The following ESRRG variants were observed in gnomAD, a reference collection of about 807,000 sequenced individuals.
ESRRG encodes the protein estrogen-related receptor gamma.
A neutral mutation model predicts 44.0 loss-of-function variants in ESRRG; 13 were observed. The observed-to-expected ratio is 0.30, with a 90% CI of 0.19 to 0.47. The LOEUF (loss-of-function observed/expected upper bound fraction) is 0.47, where lower values mean the gene tolerates loss of function less well. Ranked by LOEUF, ESRRG falls within the 20% of genes least tolerant of loss-of-function variation. The pLI, the probability that ESRRG is intolerant of heterozygous loss-of-function variation, is 1.00. For synonymous variants in ESRRG, 215 were observed against 214.6 expected, an observed-to-expected ratio of 1.00 and a Z score of -0.02; for missense variants, 395 against 580.6, an observed-to-expected ratio of 0.68 and a Z score of 3.29.
intron 5 of ESRRG, among the ~76,000 whole-genome samples, chr1:216,561,963 T>C (rs1482990610): frequency 6.6e-6 from 1 of 152,208 alleles, no homozygotes; most frequent in Non-Finnish European, 1.5e-5. Flanking sequence ...TTACTCATAG[T>C]TATTTAAAGT....
At chr1:216,959,018 T>C (rs2068508598) in intron 1 of ESRRG, among the ~76,000 whole-genome samples, 1 of 152,168 alleles carries the variant, frequency 6.6e-6, no homozygotes, top group African/African-American at 2.4e-5. Flanking sequence ...TGATTATTTT[T>C]ACACTTATTT....
intron 1 of ESRRG, among the ~76,000 whole-genome samples, chr1:216,954,179 T>A (rs1031415143): frequency 6.6e-6 from 1 of 152,156 alleles, no homozygotes; most frequent in Non-Finnish European, 1.5e-5. Context: ...GATAATGGAC[T>A]TGTTAATATG....
intron 2 of ESRRG, among the ~76,000 whole-genome samples, chr1:216,873,269 T>C (rs565528148): frequency 1.5e-5 from 2 of 133,176 alleles, no homozygotes; most frequent in South Asian, 2.4e-4. Context: ...TGAAATGCAA[T>C]GGCATGATCT....
chr1:216,721,753 A>C (rs771716243), intron 1 of ESRRG, among the ~76,000 whole-genome samples: 1 of 152,230 alleles, frequency 6.6e-6, no homozygotes, highest in Non-Finnish European at 1.5e-5. Flanking sequence ...TCCTGACACG[A>C]AGACGTCTTA....
intron 1 of ESRRG, among the ~76,000 whole-genome samples, chr1:217,126,926 C>T (rs1250814900): frequency 6.6e-6 from 1 of 152,142 alleles, no homozygotes; most frequent in Non-Finnish European, 1.5e-5. Context: ...AAATTTGTGG[C>T]ATATTCTGAA....
At chr1:216,668,922 A>C (rs938182354) in intron 2 of ESRRG, among the ~76,000 whole-genome samples, 1 of 152,222 alleles carries the variant, frequency 6.6e-6, no homozygotes, top group Non-Finnish European at 1.5e-5. Context: ...ATGTACACAA[A>C]ACTGCCTAGG....
Position 216,677,509 on chromosome 1 carries a change from C to A in ESRRG, c.57-18G>T, listed in dbSNP as rs760678601. 46 of 1,565,228 alleles carry A rather than the reference C, an allele frequency of 2.9e-5. No homozygotes were observed. The highest frequency in any genetic ancestry group is 1.9e-5 in the Non-Finnish European group (22 of 1,152,742). Reference sequence around the variant, plus strand: ...AGAGAAGCCTGAGATTGAGGAGATACAAAGAGAGACAGAAAGAGGAGAGAG... The same window carrying A: ...AGAGAAGCCTGAGATTGAGGAGATAAAAAGAGAGACAGAAAGAGGAGAGAG... On this transcript the variant is annotated intron_variant, in intron 1 of 6. Coordinates refer to ENST00000408911, the MANE Select transcript of ESRRG (RefSeq NM_001438.4).
intron 5 of ESRRG, among the ~76,000 whole-genome samples, chr1:216,541,614 T>G (rs2052801530): frequency 7.7e-6 from 1 of 129,886 alleles, no homozygotes. Flanking sequence ...GTGTATGTGA[T>G]CAGCTATTCA....
chr1:217,135,549 T>C (rs1270270751), intron 1 of ESRRG, among the ~76,000 whole-genome samples: 1 of 150,964 alleles, frequency 6.6e-6, no homozygotes, highest in Non-Finnish European at 1.5e-5. Flanking sequence ...GGCGGCGGTG[T>C]TGGCGGCGGC....
intron 3 of ESRRG, among the ~76,000 whole-genome samples, chr1:216,642,145 C>T (rs2066557762): frequency 6.6e-6 from 1 of 152,002 alleles, no homozygotes; most frequent in African/African-American, 2.4e-5. Flanking sequence ...ATCAAAATAC[C>T]CACTACAGAA....
chr1:216,859,028 A>G (rs1019660195), intron 2 of ESRRG, among the ~76,000 whole-genome samples: 1 of 152,192 alleles, frequency 6.6e-6, no homozygotes, highest in Non-Finnish European at 1.5e-5. Context: ...AAAATATTCA[A>G]TAAATGTGAA....
intron 2 of ESRRG, among the ~76,000 whole-genome samples, chr1:216,671,081 T>C (rs10127480): frequency 0.5 from 76,005 of 151,978 alleles, 19,472 homozygotes; most frequent in East Asian, 0.64. Flanking sequence ...ATGTTCAGAG[T>C]GGACTTAGTT....
At chr1:216,743,500 TA>T (rs1305721362) in intron 2 of ESRRG, among the ~76,000 whole-genome samples, 7 of 152,226 alleles carry the variant, frequency 4.6e-5, no homozygotes, top group Non-Finnish European at 7.3e-5. Flanking sequence ...AGAGCTGGTT[TA>T]AATTTTCTGA....
rs765367331 is a variant in ESRRG, at chr1:216,675,879, A to C, written c.472+1197T>G. Among the ~76,000 whole-genome samples the C allele has an allele frequency of 2.6e-5, 4 of 151,598 alleles. No individual in the cohort carries two copies. The East Asian group carries it at 7.8e-4, about 29-fold the overall frequency. ...AGCATCACCTAGGAAGCTTTCAAAA[A>C]CCCCCCTTTCCCTGGCTGTACCCAA... On this transcript the variant is annotated intron_variant, in intron 2 of 6. Coordinates refer to ENST00000408911, the MANE Select transcript of ESRRG (RefSeq NM_001438.4).
intron 2 of ESRRG, among the ~76,000 whole-genome samples, chr1:216,791,825 T>C (rs972343494): frequency 1.3e-5 from 2 of 151,982 alleles, no homozygotes; most frequent in Non-Finnish European, 2.9e-5. Flanking sequence ...AACAGAAAAA[T>C]CAAATAGATC....
intron 1 of ESRRG, chr1:216,714,625 G>A: frequency 1.6e-5 from 14 of 873,178 alleles, no homozygotes; most frequent in Non-Finnish European, 1.9e-5. Flanking sequence ...AGACATTAAA[G>A]TTTTGTTCAC....
At chr1:217,005,820 A>G (rs1206500318) in intron 1 of ESRRG, among the ~76,000 whole-genome samples, 1 of 152,082 alleles carries the variant, frequency 6.6e-6, no homozygotes, top group East Asian at 1.9e-4. Context: ...CAAGTAGCCT[A>G]TACAAATTTA....
At chr1:216,816,741 C>T (rs928350111) in intron 2 of ESRRG, among the ~76,000 whole-genome samples, 3 of 152,056 alleles carry the variant, frequency 2.0e-5, no homozygotes, top group African/African-American at 4.8e-5. Flanking sequence ...GAGAAATAAA[C>T]GAATCATACA....
intron 1 of ESRRG, among the ~76,000 whole-genome samples, chr1:217,038,007 C>T (rs1441097582): frequency 6.6e-6 from 1 of 152,190 alleles, no homozygotes; most frequent in Non-Finnish European, 1.5e-5. Context: ...CAGCTCTGCC[C>T]CTATGGCTTT....
Sources: allele counts gnomAD v4.1 joint callset (sites outside exome capture counted in the v4.1 genomes callset), GRCh38; gene constraint gnomAD v4.1.1; transcripts MANE v1.5; gene names NCBI Gene and HGNC (gene_info 2026-07-23, HGNC 2026-07-21).